MON1A: variants seen among roughly 807,000 people sequenced by gnomAD.
MON1A encodes the protein MON1 vesicular trafficking associated A, also known as vacuolar fusion protein MON1 homolog A.
In MON1A, 29 loss-of-function variants were observed where a neutral mutation model predicts 44.6. The observed-to-expected ratio is 0.65, with a 90% CI of 0.48 to 0.89. The LOEUF (loss-of-function observed/expected upper bound fraction) is 0.89, where lower values mean the gene tolerates loss of function less well. MON1A is among the 40% of genes least tolerant of loss of function. The pLI, the probability that MON1A is intolerant of heterozygous loss-of-function variation, is 0.00. For missense variants in MON1A, 615 were observed against 759.6 expected (o/e 0.81, Z 2.24); for synonymous variants, 275 against 316.4 (o/e 0.87, Z 1.39).
chr3:49,911,227 TAG>T lies in MON1A; in HGVS notation c.613+297_613+298del. ...ATAGATAGATAGATAGATAGATAGA[TAG>T]ATAGATAGATAGATAGAGTTTGTTG... On this transcript the variant is annotated intron_variant, in intron 3 of 5. Coordinates refer to ENST00000296473, the MANE Select transcript of MON1A (RefSeq NM_032355.4). This position sits in a 1 kb window ranked among gnomAD's most constrained non-coding sequence, Gnocchi z 5.7. Among the ~76,000 whole-genome samples the T allele has an allele frequency of 6.7e-6, 1 of 149,024 alleles. No homozygotes were observed. Among genetic ancestry groups the T allele is most frequent in the Non-Finnish European group, 1.5e-5 (1 of 66,202 alleles).
intron 1 of MON1A, among the ~76,000 whole-genome samples, chr3:49,928,550 C>G (rs2083069631): frequency 6.6e-6 from 1 of 152,094 alleles, no homozygotes; most frequent in Non-Finnish European, 1.5e-5. Flanking sequence ...TTGTAGTGTG[C>G]CTCTCTCACT....
intron 1 of MON1A, among the ~76,000 whole-genome samples, chr3:49,929,193 G>C (rs1170474265): frequency 5.3e-5 from 8 of 152,236 alleles, no homozygotes; most frequent in Non-Finnish European, 2.9e-5. Flanking sequence ...CTGCACTCCA[G>C]ACTGGGCAAC....
intron 1 of MON1A, chr3:49,923,968 G>C (rs2108539589): frequency 6.6e-6 from 1 of 151,760 alleles, no homozygotes; most frequent in East Asian, 2.0e-4. Context: ...TGTAGTTCCA[G>C]CTACTCAGGA....
chr3:49,917,828 C>G (rs1489823005), intron 1 of MON1A, among the ~76,000 whole-genome samples: 3 of 151,632 alleles, frequency 2.0e-5, no homozygotes, highest in Non-Finnish European at 2.9e-5. Context: ...GGGCAGATCA[C>G]CTGAGGTCGG....
At position 49,909,005 on chromosome 3, in the gene MON1A, A is replaced by T. The variant is rs1360901016; in HGVS notation, c.*9T>A. ...GTGTCCAGGAAGGCTGAGCCCGCAC[A>T]CATTCCCATCAATAGGTGAGGGGCG... On this transcript the variant is annotated 3_prime_UTR_variant, in exon 6 of 6. Transcript: ENST00000296473. The surrounding 1 kb of genome is among the most constrained non-coding windows in gnomAD (Gnocchi z 4.0). 6.2e-7 allele frequency: 1 copy of T among 1,609,244 alleles called. No individual in the cohort carries two copies. The highest frequency in any genetic ancestry group is 1.7e-5 in the Admixed American group (1 of 59,550).
intron 1 of MON1A, among the ~76,000 whole-genome samples, chr3:49,919,615 G>A (rs2082978891): frequency 6.6e-6 from 1 of 152,138 alleles, no homozygotes; most frequent in Non-Finnish European, 1.5e-5. Flanking sequence ...GAGCAGCTGG[G>A]ATTACAGACG....
In MON1A at chr3:49,909,614, C is replaced by T; in HGVS notation, c.1380-214G>A. 3.3e-6 allele frequency: 2 copies of T among 608,078 alleles called. No homozygotes were observed. The highest frequency in any genetic ancestry group is 5.6e-6 in the Non-Finnish European group (2 of 354,660). The allele number at this position is 608,078 out of a possible 1,614,324, so 37.7% of individuals were successfully genotyped here. On this transcript the variant is annotated intron_variant, in intron 4 of 5. Coordinates refer to ENST00000296473, the MANE Select transcript of MON1A (RefSeq NM_032355.4). The surrounding 1 kb of genome is among the most constrained non-coding windows in gnomAD (Gnocchi z 4.0). ...ACTAGAGCTATGTCCCCTCTTACCC[C>T]CTAAGCTCATAGTGTCTTTGGTGAC...
At chr3:49,928,840 C>T (rs1160989362) in intron 1 of MON1A, among the ~76,000 whole-genome samples, 2 of 152,212 alleles carry the variant, frequency 1.3e-5, no homozygotes, top group East Asian at 3.9e-4. Flanking sequence ...AGGGTGCTCA[C>T]TCTCCCTCTG....
At chr3:49,928,698 C>G (rs2083071194) in intron 1 of MON1A, among the ~76,000 whole-genome samples, 1 of 152,138 alleles carries the variant, frequency 6.6e-6, no homozygotes, top group Admixed American at 6.6e-5. Flanking sequence ...AAGGAGGTGC[C>G]AGGATACAGG....
chr3:49,927,915 C>CAA (rs200923233), intron 1 of MON1A, among the ~76,000 whole-genome samples: 3 of 149,396 alleles, frequency 2.0e-5, no homozygotes, highest in African/African-American at 4.9e-5. Context: ...AAAAAAACAA[C>CAA]AAAAAAAAAC....
Position 49,909,337 on chromosome 3 carries a change from C to T in MON1A, c.1443G>A (p.Gln481=), listed in dbSNP as rs1217323205. The T allele has an allele frequency of 4.3e-6, 7 of 1,614,054 alleles. No individual in the cohort carries two copies. Among genetic ancestry groups the T allele is most frequent in the Non-Finnish European group, 5.9e-6 (7 of 1,180,004 alleles). ...CATTGTGGGCACGACTGTGCAAGTA[C>T]TGGTAGAGGCCCAGCAGCCGCTCCT... ...EEQERLLGLY[Q]YLHSRAHNAS... is the part of the protein sequence containing the mutation. The change falls in exon 5 of 6, where the codon CAG becomes CAA. Residue 481 remains glutamine, a synonymous_variant. Coordinates refer to ENST00000296473, the MANE Select transcript of MON1A (RefSeq NM_032355.4). This position sits in a 1 kb window ranked among gnomAD's most constrained non-coding sequence, Gnocchi z 4.0.
intron 1 of MON1A, among the ~76,000 whole-genome samples, chr3:49,926,234 T>G (rs1381915420): frequency 6.6e-6 from 1 of 152,196 alleles, no homozygotes; most frequent in Non-Finnish European, 1.5e-5. Context: ...ACTTTAGAAC[T>G]TTGCCGTTGC....
At position 49,909,486 on chromosome 3, in the gene MON1A, A is replaced by T. The variant is rs566063083; in HGVS notation, c.1380-86T>A. 9.1e-6 allele frequency: 14 copies of T among 1,544,870 alleles called. No individual in the cohort carries two copies. The highest frequency in any genetic ancestry group is 1.2e-5 in the Non-Finnish European group (14 of 1,136,030). Reference sequence around the variant, plus strand: ...GATTTAGAAACACCTATTCCTATCCAGGAAGACTCTATCTTATGTCCTACC... The same window carrying T: ...GATTTAGAAACACCTATTCCTATCCTGGAAGACTCTATCTTATGTCCTACC... On this transcript the variant is annotated intron_variant, in intron 4 of 5. Coordinates refer to ENST00000296473, the MANE Select transcript of MON1A (RefSeq NM_032355.4). The surrounding 1 kb of genome is among the most constrained non-coding windows in gnomAD (Gnocchi z 4.0).
In MON1A at chr3:49,910,065, C is replaced by T. The variant is rs1369333366; in HGVS notation, c.1379+54G>A. 9.2e-6 allele frequency: 14 copies of T among 1,518,824 alleles called. No homozygotes were observed. The highest frequency in any genetic ancestry group is 6.4e-5 in the Admixed American group (3 of 46,626). The allele number at this position is 1,518,824 out of a possible 1,614,324, so 94.1% of individuals were successfully genotyped here. A position where few individuals can be genotyped will look rare whatever the true frequency, so the allele number is the denominator to read the frequency against. On this transcript the variant is annotated intron_variant, in intron 4 of 5. Coordinates refer to ENST00000296473, the MANE Select transcript of MON1A (RefSeq NM_032355.4). The surrounding 1 kb of genome is among the most constrained non-coding windows in gnomAD (Gnocchi z 8.0). ...CAGAGCTCAGGACCAAACAGCCTCC[C>T]GACTCCACATGTCCCTGTCCCGCTA...
Position 49,908,997 on chromosome 3 carries a change from G to A in MON1A, c.*17C>T. On this transcript the variant is annotated 3_prime_UTR_variant, in exon 6 of 6. Transcript: ENST00000296473. The stretch of plus-strand genomic sequence containing the variant: ...CACCTAGTGTGTCCAGGAAGGCTGA[G>A]CCCGCACACATTCCCATCAATAGGT... The A allele has an allele frequency of 6.2e-7, 1 of 1,605,472 alleles. No homozygotes were observed. Among genetic ancestry groups the A allele is most frequent in the South Asian group, 1.1e-5 (1 of 89,864 alleles).
intron 1 of MON1A, among the ~76,000 whole-genome samples, chr3:49,927,512 C>G (rs1311377606): frequency 6.6e-6 from 1 of 152,164 alleles, no homozygotes; most frequent in Admixed American, 6.5e-5. Context: ...GCTCAGCCTA[C>G]AGTGGCATAT....
intron 2 of MON1A, chr3:49,912,898 T>C: frequency 9.0e-6 from 4 of 443,364 alleles, no homozygotes; most frequent in Admixed American, 3.4e-5. Context: ...ATAATTAGTG[T>C]GCTATACAGA....
chr3:49,915,147 T>C (rs145463361), intron 1 of MON1A, among the ~76,000 whole-genome samples: 53 of 152,336 alleles, frequency 3.5e-4, no homozygotes, highest in Middle Eastern at 3.4e-3. Flanking sequence ...GCTAGCTTTA[T>C]AGATGAAAGA....
In MON1A at chr3:49,929,777, C is replaced by A. The variant is rs2083079211; in HGVS notation, c.-182G>T. ...GCCACAGCGCAGGCACCGCTCCCTC[C>A]CACCGCCCTCACCCGGCCGCCGGTG... is the stretch of plus-strand genomic sequence containing the variant. On this transcript the variant is annotated 5_prime_UTR_variant, in exon 1 of 6. Coordinates refer to ENST00000296473, the MANE Select transcript of MON1A (RefSeq NM_032355.4). The A allele has an allele frequency of 6.5e-7, 1 of 1,548,910 alleles. No homozygotes were observed. The highest frequency in any genetic ancestry group is 8.7e-7 in the Non-Finnish European group (1 of 1,146,690).
Sources: allele counts gnomAD v4.1 joint callset (sites outside exome capture counted in the v4.1 genomes callset), GRCh38; gene constraint gnomAD v4.1.1; non-coding constraint Gnocchi (gnomAD v3.1); transcripts MANE v1.5; gene names NCBI Gene and HGNC (gene_info 2026-07-23, HGNC 2026-07-21).